Variants in INTS6 observed in about 807,000 individuals in gnomAD.
INTS6 encodes integrator complex subunit 6.
INTS6 carries 16 observed loss-of-function variants against 104.9 expected under a neutral mutation model. The ratio of observed to expected loss-of-function variants is 0.15; its 90% CI spans 0.10 to 0.23. The LOEUF (loss-of-function observed/expected upper bound fraction) is 0.23. INTS6 is among the 10% of genes least tolerant of loss of function. INTS6 has a pLI of 1.00. For synonymous variants in INTS6, 324 were observed against 358.7 expected, an observed-to-expected ratio of 0.90 and a Z score of 1.09; for missense variants, 584 against 1,062.8, an observed-to-expected ratio of 0.55 and a Z score of 6.26.
At chr13:51,444,412 G>A (rs1240407683) in intron 3 of INTS6, 1 of 151,200 alleles carries the variant, frequency 6.6e-6, no homozygotes, top group African/African-American at 2.4e-5. Flanking sequence ...GCCTATTTTT[G>A]ACTTTTGTAT....
At chr13:51,403,299 C>T (rs913808189) in intron 4 of INTS6, among the ~76,000 whole-genome samples, 1 of 152,108 alleles carries the variant, frequency 6.6e-6, no homozygotes, top group Non-Finnish European at 1.5e-5. Flanking sequence ...AAGATTTCCC[C>T]TTAGCTGGGT....
intron 4 of INTS6, among the ~76,000 whole-genome samples, chr13:51,425,926 C>T (rs566963922): frequency 6.6e-6 from 1 of 151,626 alleles, no homozygotes; most frequent in African/African-American, 2.4e-5. Context: ...ACACACTCCT[C>T]GTAAGTGAAA....
At position 51,399,106 on chromosome 13, in the gene INTS6, T is replaced by G. The variant is rs144349866; in HGVS notation, c.430-3623A>C. On this transcript the variant is annotated intron_variant, in intron 4 of 17. Coordinates refer to ENST00000311234, the MANE Select transcript of INTS6 (RefSeq NM_012141.3). ...AAAATGGAGTATTGTCTCTTTGGTT[T>G]ATGGCTTCTTTCATCATTGTAAAGG... Among the ~76,000 whole-genome samples the G allele has an allele frequency of 1.3e-3, 205 of 152,366 alleles. 1 individual carries two copies. Among genetic ancestry groups the G allele is most frequent in the African/African-American group, 4.8e-3 (200 of 41,588 alleles).
the INTS6 span, among the ~76,000 whole-genome samples, chr13:51,345,715 G>A: frequency 5.8e-4 from 88 of 151,864 alleles, no homozygotes; most frequent in African/African-American, 1.6e-3. Context: ...CATCTTTTGT[G>A]ATAAAGTTCT....
downstream of INTS6, chr13:51,361,272 GGT>G (rs1276650655): frequency 5.0e-6 from 8 of 1,596,666 alleles, no homozygotes; most frequent in African/African-American, 1.3e-5. Context: ...CATTTTCTGT[GGT>G]TAGGCCAAGA....
intron 17 of INTS6, among the ~76,000 whole-genome samples, 172 bp downstream of exon 17, chr13:51,367,633 C>T (rs1308112171): frequency 1.3e-5 from 2 of 151,904 alleles, no homozygotes; most frequent in Admixed American, 6.6e-5. Flanking sequence ...TGGCTGTTTT[C>T]TAAGTGAATT....
At chr13:51,349,323 A>G (rs1369439632), downstream of INTS6, among the ~76,000 whole-genome samples, 2 of 152,228 alleles carry the variant, frequency 1.3e-5, no homozygotes, top group Non-Finnish European at 2.9e-5. Context: ...TTAAGGGCCA[A>G]GGTCTAAAGT....
intron 3 of INTS6, chr13:51,447,530 T>C (rs535237010): frequency 2.6e-5 from 4 of 152,028 alleles, no homozygotes; most frequent in South Asian, 2.1e-4. Flanking sequence ...TAAGCACATA[T>C]TTTATCTCCT....
chr13:51,338,636 A>G, the INTS6 span, among the ~76,000 whole-genome samples: 3 of 152,232 alleles, frequency 2.0e-5, no homozygotes, highest in Non-Finnish European at 2.9e-5. Flanking sequence ...CTTTCATACT[A>G]TGGCTTAGAG....
chr13:51,341,419 C>T, the INTS6 span: 2 of 1,370,260 alleles, frequency 1.5e-6, no homozygotes, highest in Non-Finnish European at 2.0e-6. Context: ...GCTCACCCTC[C>T]TGCTCACACT....
At chr13:51,403,758 G>A (rs1566228191) in intron 4 of INTS6, among the ~76,000 whole-genome samples, 1 of 151,936 alleles carries the variant, frequency 6.6e-6, no homozygotes, top group Non-Finnish European at 1.5e-5. Flanking sequence ...CCTATCCCAC[G>A]AGTTTGGAAA....
chr13:51,361,558 A>T, downstream of INTS6: 1 of 588,406 alleles, frequency 1.7e-6, no homozygotes, highest in Non-Finnish European at 3.0e-6. Context: ...TATCCATCCC[A>T]TAAAAATAAT....
intron 10 of INTS6, among the ~76,000 whole-genome samples, chr13:51,380,474 G>A (rs1956024460): frequency 6.6e-6 from 1 of 152,180 alleles, no homozygotes; most frequent in Non-Finnish European, 1.5e-5. Flanking sequence ...GGGTTGCTAT[G>A]AAACGTAAAT....
chr13:51,348,332 G>A, the INTS6 span: 28 of 1,613,802 alleles, frequency 1.7e-5, no homozygotes, highest in South Asian at 3.3e-5. Context: ...GAGCCACATC[G>A]AGCCACACCT....
downstream of INTS6, among the ~76,000 whole-genome samples, chr13:51,350,343 G>T (rs916104633): frequency 1.3e-5 from 2 of 152,022 alleles, no homozygotes; most frequent in African/African-American, 4.8e-5. Flanking sequence ...CATACTAAAG[G>T]AATAATCAAG....
In INTS6 at chr13:51,428,087, C is replaced by T. The variant is rs79551548; in HGVS notation, c.429+2207G>A. ...ACAAAATACATTGTACCCCAAAGGG[C>T]ATTTCTACAAAGGCAGTAGACAGCA... On this transcript the variant is annotated intron_variant, in intron 4 of 17. Transcript: ENST00000311234. Among the ~76,000 whole-genome samples, 1,361 of 152,262 alleles carry T rather than the reference C, an allele frequency of 8.9e-3. 12 individuals carry two copies. The highest frequency in any genetic ancestry group is 0.031 in the Middle Eastern group (9 of 294).
At chr13:51,438,852 A>G (rs1446411444) in intron 3 of INTS6, 2 of 152,254 alleles carry the variant, frequency 1.3e-5, no homozygotes, top group Non-Finnish European at 2.9e-5. Flanking sequence ...ATCCAAAAGC[A>G]CTGTACCTTG....
chr13:51,354,905 C>T, intron 3 of INTS6: 1 of 618,742 alleles, frequency 1.6e-6, no homozygotes, highest in Non-Finnish European at 2.9e-6. Context: ...TGGGAAGGCG[C>T]CATGGAAGAT....
chr13:51,365,823 C>T lies in INTS6; in HGVS notation c.2593G>A (p.Glu865Lys). Residue 865 changes from glutamate (E) to lysine (K), a missense_variant, in exon 18 of 18, where the codon GAA becomes AAA. Transcript: ENST00000311234. ...TCATCCAAGAAGTTCTCCAGTTGTT[C>T]TATTAGCATTCGTTTTTTAAACCTG... ...ASRFKKRMLIEQLENFLDEIH... is the reference protein window; with the variant it reads ...ASRFKKRMLIKQLENFLDEIH... The T allele has an allele frequency of 6.2e-7, 1 of 1,600,542 alleles. No individual in the cohort carries two copies. Among genetic ancestry groups the T allele is most frequent in the Non-Finnish European group, 8.5e-7 (1 of 1,173,224 alleles).
Sources: allele counts gnomAD v4.1 joint callset (sites outside exome capture counted in the v4.1 genomes callset), GRCh38; gene constraint gnomAD v4.1.1; transcripts MANE v1.5; gene names NCBI Gene and HGNC (gene_info 2026-07-23, HGNC 2026-07-21).